CSRNP3: variants seen among roughly 807,000 people sequenced by gnomAD.
CSRNP3 encodes the protein cysteine and serine rich nuclear protein 3.
A neutral mutation model predicts 48.0 loss-of-function variants in CSRNP3; 12 were observed. The observed-to-expected ratio is 0.25, with a 90% confidence interval of 0.16 to 0.41. The LOEUF (loss-of-function observed/expected upper bound fraction) is 0.41. Among genes scored for constraint, CSRNP3 ranks in the 10% least tolerant of loss-of-function variants. The pLI is 1.00. For synonymous variants in CSRNP3, 263 were observed against 269.7 expected (o/e 0.98, Z 0.24); for missense variants, 580 against 724.4 (o/e 0.80, Z 2.29).
At chr2:165,646,898 A>G (rs1161967246) in intron 4 of CSRNP3, among the ~76,000 whole-genome samples, 1 of 152,204 alleles carries the variant, frequency 6.6e-6, no homozygotes, top group Non-Finnish European at 1.5e-5. Flanking sequence ...TAATAACACT[A>G]GAGTATAGGT....
intron 3 of CSRNP3, among the ~76,000 whole-genome samples, chr2:165,519,298 G>A (rs1284655969): frequency 6.6e-6 from 1 of 151,930 alleles, no homozygotes; most frequent in African/African-American, 2.4e-5. Context: ...GAGTACATTG[G>A]ATTTCCTTAC....
chr2:165,563,583 A>T (rs1685261509), intron 3 of CSRNP3, among the ~76,000 whole-genome samples: 1 of 152,096 alleles, frequency 6.6e-6, no homozygotes, highest in African/African-American at 2.4e-5. Flanking sequence ...TTCTTTTATC[A>T]CAATTAATAA....
Position 165,687,163 on chromosome 2 carries a change from C to T in CSRNP3, c.*7410C>T, listed in dbSNP as rs1171673040. On this transcript the variant is annotated 3_prime_UTR_variant, in exon 7 of 7. Transcript: ENST00000651982. ...AGGGGATTCAAGGGAAGTTGGGTTT[C>T]CCCCTACATTTGGTGATTATTACAT... 1.3e-5 allele frequency: 2 copies of T among 152,058 alleles called. No individual in the cohort carries two copies. The highest frequency in any genetic ancestry group is 2.4e-5 in the African/African-American group (1 of 41,416). 9.4% of individuals were successfully genotyped at this position (152,058 alleles called of 1,614,324 possible).
At chr2:165,480,361 G>C (rs750218088) in intron 1 of CSRNP3, among the ~76,000 whole-genome samples, 2 of 152,150 alleles carry the variant, frequency 1.3e-5, no homozygotes, top group African/African-American at 2.4e-5. Flanking sequence ...AATCGCAGGA[G>C]TGGTATCTCA....
chr2:165,537,329 T>C (rs1212209544), intron 3 of CSRNP3, among the ~76,000 whole-genome samples: 3 of 150,588 alleles, frequency 2.0e-5, no homozygotes, highest in African/African-American at 2.4e-5. Flanking sequence ...TACAGATTTG[T>C]TGGTAAAGAC....
intron 3 of CSRNP3, among the ~76,000 whole-genome samples, chr2:165,571,494 C>T (rs1160601873): frequency 6.6e-6 from 1 of 151,804 alleles, no homozygotes; most frequent in Non-Finnish European, 1.5e-5. Flanking sequence ...CACACATACA[C>T]ACACATATTT....
chr2:165,667,410 AT>A (rs1158293201), intron 5 of CSRNP3, among the ~76,000 whole-genome samples: 2 of 152,050 alleles, frequency 1.3e-5, no homozygotes, highest in African/African-American at 2.4e-5. Flanking sequence ...CTTTTTAAGT[AT>A]TTTTTTCTAG....
Position 165,471,820 on chromosome 2 carries a change from T to C in CSRNP3, c.-283+2080T>C, listed in dbSNP as rs559205786. The stretch of plus-strand genomic sequence containing the variant: ...TTACTGCAGAGTCCACAGGAAGAGA[T>C]AGAGAGAGAGAGAGAATGTGTGCTG... On this transcript the variant is annotated intron_variant, in intron 1 of 6. Transcript: ENST00000651982. Among the ~76,000 whole-genome samples, 17 of 148,242 alleles carry C rather than the reference T, an allele frequency of 1.1e-4. No homozygotes were observed. In the East Asian group the frequency reaches 1.4e-3, roughly 12 times the overall value.
intron 4 of CSRNP3, among the ~76,000 whole-genome samples, chr2:165,632,446 T>C (rs1422542091): frequency 6.6e-6 from 1 of 152,076 alleles, no homozygotes; most frequent in Non-Finnish European, 1.5e-5. Flanking sequence ...GAGTTTGAAG[T>C]TGTAGTGAGC....
At chr2:165,670,752 C>T (rs1687314579) in intron 5 of CSRNP3, among the ~76,000 whole-genome samples, 1 of 152,170 alleles carries the variant, frequency 6.6e-6, no homozygotes, top group Non-Finnish European at 1.5e-5. Context: ...ACTTCTTTAA[C>T]CCCCACCTGC....
chr2:165,568,853 A>G (rs1001033260), intron 3 of CSRNP3, among the ~76,000 whole-genome samples: 1 of 152,072 alleles, frequency 6.6e-6, no homozygotes, highest in Non-Finnish European at 1.5e-5. Flanking sequence ...AACAGGATAA[A>G]TTACAATTTG....
intron 4 of CSRNP3, among the ~76,000 whole-genome samples, chr2:165,602,431 G>T (rs1685931608): frequency 6.6e-6 from 1 of 152,164 alleles, no homozygotes; most frequent in Non-Finnish European, 1.5e-5. Flanking sequence ...GGGACCAGCT[G>T]CAGATCATAT....
At position 165,571,630 on chromosome 2, in the gene CSRNP3, G is replaced by A. The variant is rs141865427; in HGVS notation, c.-23-23413G>A. ...ATCATATGTTTTATTGAGGTAAGCT[G>A]TCTAAAATAAGTTACCGCAATTTTA... On this transcript the variant is annotated intron_variant, in intron 3 of 6. Transcript: ENST00000651982. Among the ~76,000 whole-genome samples, 125 of 151,972 alleles carry A rather than the reference G, an allele frequency of 8.2e-4. No individual in the cohort carries two copies. In the East Asian group the frequency reaches 0.023, roughly 28 times the overall value.
chr2:165,490,562 C>T (rs372026429), intron 1 of CSRNP3, among the ~76,000 whole-genome samples: 1 of 145,288 alleles, frequency 6.9e-6, no homozygotes, highest in East Asian at 2.0e-4. Context: ...TACAAGGCTA[C>T]AGTAACCAAA....
intron 4 of CSRNP3, among the ~76,000 whole-genome samples, chr2:165,622,201 C>T (rs1392163593): frequency 6.6e-6 from 1 of 152,072 alleles, no homozygotes; most frequent in Non-Finnish European, 1.5e-5. Context: ...TTCTAGCAGC[C>T]TATTTCCCTT....
At chr2:165,527,462 C>T (rs775114606) in intron 3 of CSRNP3, among the ~76,000 whole-genome samples, 2 of 151,944 alleles carry the variant, frequency 1.3e-5, no homozygotes, top group African/African-American at 2.4e-5. Context: ...TGCTCAGCCT[C>T]CTAAAGTGCT....
chr2:165,599,412 T>C (rs6738865), intron 4 of CSRNP3, among the ~76,000 whole-genome samples: 77,685 of 151,704 alleles, frequency 0.51, 20,073 homozygotes, highest in African/African-American at 0.55. Flanking sequence ...CTCACTGTCA[T>C]GCAGGTAGCT....
chr2:165,562,582 C>A (rs951565973), intron 3 of CSRNP3, among the ~76,000 whole-genome samples: 1 of 152,144 alleles, frequency 6.6e-6, no homozygotes, highest in African/African-American at 2.4e-5. Flanking sequence ...GTCCTCTGAG[C>A]AATTTGAATC....
intron 4 of CSRNP3, among the ~76,000 whole-genome samples, chr2:165,619,473 A>G (rs950011591): frequency 2.0e-5 from 3 of 152,168 alleles, no homozygotes; most frequent in African/African-American, 4.8e-5. Flanking sequence ...GGGACCACCT[A>G]TGAATTTTTT....
Sources: allele counts gnomAD v4.1 joint callset (sites outside exome capture counted in the v4.1 genomes callset), GRCh38; gene constraint gnomAD v4.1.1; transcripts MANE v1.5; gene names NCBI Gene and HGNC (gene_info 2026-07-23, HGNC 2026-07-21).